TXNL4A: variants seen among roughly 807,000 people sequenced by gnomAD.
TXNL4A encodes the protein thioredoxin-like protein 4A.
Under a neutral mutation model 14.6 loss-of-function variants are expected in TXNL4A, and 17 were observed. The ratio of observed to expected loss-of-function variants is 1.16; its 90% confidence interval spans 0.80 to 1.74. TXNL4A has a LOEUF of 1.74. Among genes scored for constraint, TXNL4A ranks in the 40% most tolerant of loss-of-function variants. The probability of loss-of-function intolerance (pLI) is 0.00; values close to 1 mark genes in which losing one functional copy is unlikely to be tolerated. For synonymous variants in TXNL4A, 83 were observed against 70.6 expected, an observed-to-expected ratio of 1.18 and a Z score of -0.88; for missense variants, 74 against 195.2, an observed-to-expected ratio of 0.38 and a Z score of 3.70.
intron 1 of TXNL4A, among the ~76,000 whole-genome samples, chr18:80,033,615 T>C (rs936729337): frequency 6.6e-6 from 1 of 152,216 alleles, no homozygotes; most frequent in Non-Finnish European, 1.5e-5. Context: ...GTCTCCAGGC[T>C]TCGATGCCTT....
chr18:79,994,514 A>C (rs1044232186), intron 1 of TXNL4A, among the ~76,000 whole-genome samples: 1 of 151,610 alleles, frequency 6.6e-6, no homozygotes, highest in African/African-American at 2.4e-5. Context: ...GAACTCTCTA[A>C]TCGTTTTATC....
upstream of TXNL4A, among the ~76,000 whole-genome samples, chr18:79,988,830 C>T (rs1484741928): frequency 6.6e-6 from 1 of 152,232 alleles, no homozygotes; most frequent in East Asian, 1.9e-4. Flanking sequence ...CGAGGCCGCC[C>T]GCCGCCGCCC....
At chr18:80,009,752 G>A (rs1346964440) in intron 1 of TXNL4A, among the ~76,000 whole-genome samples, 1 of 152,174 alleles carries the variant, frequency 6.6e-6, no homozygotes, top group Non-Finnish European at 1.5e-5. Context: ...TTGGGGTTTT[G>A]TGTTTCTTCT....
At chr18:79,979,141 T>G (rs994539061) in intron 1 of TXNL4A, among the ~76,000 whole-genome samples, 2 of 151,702 alleles carry the variant, frequency 1.3e-5, no homozygotes, top group African/African-American at 4.8e-5. Flanking sequence ...TTTCACCATA[T>G]TGGCCAGGCT....
chr18:80,033,823 C>CCT (rs1159700942), intron 1 of TXNL4A: 1 of 105,908 alleles, frequency 9.4e-6, no homozygotes, highest in African/African-American at 3.5e-5. Flanking sequence ...GCCCCCGTTG[C>CCT]CGCCCCCCCC....
At chr18:80,015,144 T>TG (rs1223650843) in intron 1 of TXNL4A, among the ~76,000 whole-genome samples, 17 of 152,180 alleles carry the variant, frequency 1.1e-4, no homozygotes, top group Admixed American at 1.1e-3. Flanking sequence ...GGGGCCACCA[T>TG]GAAGACCTAT....
intron 1 of TXNL4A, among the ~76,000 whole-genome samples, chr18:79,987,642 T>C (rs1195265911): frequency 6.6e-6 from 1 of 152,200 alleles, no homozygotes; most frequent in Non-Finnish European, 1.5e-5. Flanking sequence ...AGCAAGTAAA[T>C]GCCAAGACCA....
intron 1 of TXNL4A, among the ~76,000 whole-genome samples, chr18:80,015,341 A>G (rs972178932): frequency 6.8e-6 from 1 of 146,150 alleles, no homozygotes; most frequent in Non-Finnish European, 1.5e-5. Context: ...TTAAAACAAA[A>G]TGCTTTTTTA....
chr18:79,999,020 A>G (rs1246428900), intron 1 of TXNL4A, among the ~76,000 whole-genome samples: 8 of 151,848 alleles, frequency 5.3e-5, no homozygotes, highest in Non-Finnish European at 1.0e-4. Flanking sequence ...TACTAGAGGT[A>G]ATTAAAGCCG....
At chr18:80,013,121 AAT>A (rs144238010) in intron 1 of TXNL4A, among the ~76,000 whole-genome samples, 23,946 of 137,474 alleles carry the variant, frequency 0.17, 2,015 homozygotes, top group Middle Eastern at 0.22. Context: ...GAAAAAAAAA[AAT>A]TTTTTTTTTT....
chr18:79,973,437 G>C lies in TXNL4A; in HGVS notation c.*248C>G, dbSNP rs1317222394. 9 of 449,122 alleles carry C rather than the reference G, an allele frequency of 2.0e-5. No homozygotes were observed. Among genetic ancestry groups the C allele is most frequent in the Non-Finnish European group, 3.5e-5 (9 of 260,216 alleles). 27.8% of individuals were successfully genotyped at this position (449,122 alleles called of 1,614,324 possible). ...GATAAACACCTTCGTTTTACTCCAA[G>C]GGTAAGAATTAACTTTGACTAGGAA... On this transcript the variant is annotated 3_prime_UTR_variant, in exon 3 of 3. Transcript: ENST00000269601.
intron 1 of TXNL4A, among the ~76,000 whole-genome samples, chr18:80,028,551 T>C (rs1805272): frequency 0.46 from 70,287 of 151,886 alleles, 17,049 homozygotes; most frequent in East Asian, 0.75. Context: ...CACTGGATCA[T>C]GCTAAAATAG....
intron 1 of TXNL4A, among the ~76,000 whole-genome samples, chr18:79,999,349 G>A (rs373469302): frequency 1.4e-3 from 217 of 151,844 alleles, no homozygotes; most frequent in African/African-American, 5.0e-3. Flanking sequence ...CAGCCTGGCC[G>A]ACATAGTGAA....
chr18:80,031,266 G>A (rs1251256626), intron 1 of TXNL4A, among the ~76,000 whole-genome samples: 2 of 152,206 alleles, frequency 1.3e-5, no homozygotes, highest in African/African-American at 4.8e-5. Flanking sequence ...GTGGACACCT[G>A]GAGAATGTTG....
intron 1 of TXNL4A, among the ~76,000 whole-genome samples, chr18:80,015,416 T>G (rs2051801568): frequency 6.6e-6 from 1 of 151,404 alleles, no homozygotes; most frequent in Admixed American, 6.6e-5. Flanking sequence ...AATGTGCAAG[T>G]CAGTTACATA....
chr18:80,032,604 C>A (rs922114916), intron 1 of TXNL4A, among the ~76,000 whole-genome samples: 3 of 152,206 alleles, frequency 2.0e-5, no homozygotes, highest in African/African-American at 7.2e-5. Flanking sequence ...CTTTGGAAGG[C>A]CGAGTTGGGC....
chr18:79,983,840 G>T (rs185552384), intron 1 of TXNL4A, among the ~76,000 whole-genome samples: 90 of 152,340 alleles, frequency 5.9e-4, no homozygotes, highest in South Asian at 1.7e-3. Flanking sequence ...TGAGGCACAA[G>T]TATGCCCTTT....
intron 1 of TXNL4A, among the ~76,000 whole-genome samples, chr18:80,018,779 C>T (rs1308621367): frequency 1.3e-5 from 2 of 152,136 alleles, no homozygotes; most frequent in Admixed American, 1.3e-4. Context: ...TTAACAGCAC[C>T]CGTCACTTTT....
chr18:80,028,301 A>G (rs2051898406), intron 1 of TXNL4A, among the ~76,000 whole-genome samples: 1 of 149,032 alleles, frequency 6.7e-6, no homozygotes, highest in Admixed American at 6.7e-5. Flanking sequence ...TTCCCCCCTT[A>G]CCATTTCTGT....
Sources: gnomAD v4.1 joint callset for allele counts (sites outside exome capture counted in the v4.1 genomes callset) on GRCh38, gnomAD v4.1.1 for gene constraint, MANE v1.5 for transcripts, NCBI Gene and HGNC (gene_info 2026-07-23, HGNC 2026-07-21) for gene names.